The following TRHDE variants were observed in gnomAD, a reference collection of about 807,000 sequenced individuals.
The protein encoded by TRHDE is thyrotropin releasing hormone degrading enzyme.
A neutral mutation model predicts 125.7 loss-of-function variants in TRHDE; 72 were observed. That is an observed-to-expected ratio of 0.57 (90% CI 0.47 to 0.70). The LOEUF (loss-of-function observed/expected upper bound fraction) is 0.70, where lower values mean the gene tolerates loss of function less well. TRHDE is among the 30% of genes least tolerant of loss of function. The pLI is 0.00. For synonymous variants in TRHDE, 509 were observed against 509.1 expected, an observed-to-expected ratio of 1.00 and a Z score of 0.00; for missense variants, 1,110 against 1,327.1, an observed-to-expected ratio of 0.84 and a Z score of 2.54.
chr12:72,196,835 A>T (rs924533624), intron 2 of TRHDE, among the ~76,000 whole-genome samples: 1 of 151,938 alleles, frequency 6.6e-6, no homozygotes, highest in Non-Finnish European at 1.5e-5. Flanking sequence ...TATCATATTT[A>T]TGATGATATC....
At chr12:72,096,840 CTGCTTGATTTTCCTTTGT>C (rs1042128002) in intron 1 of TRHDE, among the ~76,000 whole-genome samples, 11 of 152,200 alleles carry the variant, frequency 7.2e-5, no homozygotes, top group African/African-American at 2.7e-4. Flanking sequence ...CCTCACCTCC[CTGCTTGATTTTCCTTTGT>C]TGCTTTCAGG....
chr12:72,381,527 C>T (rs903439650), intron 3 of TRHDE, among the ~76,000 whole-genome samples: 19 of 150,756 alleles, frequency 1.3e-4, no homozygotes, highest in African/African-American at 4.6e-4. Flanking sequence ...TCCCAAGTAG[C>T]TGGGACTACA....
chr12:72,268,063 A>C (rs998687748), upstream of TRHDE, among the ~76,000 whole-genome samples: 9 of 152,156 alleles, frequency 5.9e-5, no homozygotes, highest in African/African-American at 2.2e-4. Flanking sequence ...CCAAATTAAA[A>C]ATTTCATCAA....
intron 6 of TRHDE, among the ~76,000 whole-genome samples, chr12:72,510,312 T>C (rs1415128519): frequency 6.6e-6 from 1 of 152,242 alleles, no homozygotes; most frequent in African/African-American, 2.4e-5. Flanking sequence ...ATTACATTTA[T>C]TGATTAAATA....
At chr12:72,246,064 T>A (rs1439195953) in intron 2 of TRHDE, among the ~76,000 whole-genome samples, 1 of 152,186 alleles carries the variant, frequency 6.6e-6, no homozygotes, top group East Asian at 1.9e-4. Flanking sequence ...ACAAACATTC[T>A]TGTGAATATA....
chr12:72,276,644 T>C (rs1879497319), intron 1 of TRHDE, among the ~76,000 whole-genome samples: 1 of 152,210 alleles, frequency 6.6e-6, no homozygotes, highest in Non-Finnish European at 1.5e-5. Context: ...TTTCCTGATT[T>C]CCATACTGTA....
chr12:72,130,600 G>A (rs1875838345), intron 2 of TRHDE, among the ~76,000 whole-genome samples: 2 of 152,036 alleles, frequency 1.3e-5, no homozygotes. Context: ...AAAGCACTAG[G>A]GGCAACATTA....
chr12:72,199,218 G>C (rs1023711641), intron 2 of TRHDE, among the ~76,000 whole-genome samples: 2 of 152,216 alleles, frequency 1.3e-5, no homozygotes, highest in South Asian at 4.1e-4. Flanking sequence ...TCTGTGCTTA[G>C]AGTAACAGGC....
intron 6 of TRHDE, among the ~76,000 whole-genome samples, chr12:72,534,481 A>G (rs1239589919): frequency 1.3e-5 from 2 of 152,124 alleles, no homozygotes; most frequent in South Asian, 2.1e-4. Flanking sequence ...GAATGCTCAA[A>G]GAATGTACGG....
intron 5 of TRHDE, among the ~76,000 whole-genome samples, chr12:72,489,098 A>C (rs1423420411): frequency 6.6e-6 from 1 of 151,764 alleles, no homozygotes; most frequent in Non-Finnish European, 1.5e-5. Flanking sequence ...GAATTAGAAA[A>C]AGAAGACCAT....
At chr12:72,161,431 C>CAAAAAA (rs36001406) in intron 2 of TRHDE, among the ~76,000 whole-genome samples, 1 of 75,478 alleles carries the variant, frequency 1.3e-5, no homozygotes, top group South Asian at 4.0e-4. Context: ...GACTCCGTCT[C>CAAAAAA]AAAAAAAAAA....
chr12:72,439,672 T>C (rs533400190), intron 3 of TRHDE, among the ~76,000 whole-genome samples: 45 of 152,036 alleles, frequency 3.0e-4, no homozygotes, highest in Admixed American at 2.6e-3. Flanking sequence ...TCTATATATA[T>C]GATCATATCA....
chr12:72,372,334 G>A (rs1871640637), intron 2 of TRHDE, among the ~76,000 whole-genome samples: 1 of 151,746 alleles, frequency 6.6e-6, no homozygotes, highest in African/African-American at 2.4e-5. Context: ...CTCCCATTTT[G>A]TAGGTTGCCT....
chr12:72,213,137 T>G (rs1191891854), intron 2 of TRHDE, among the ~76,000 whole-genome samples: 1 of 152,104 alleles, frequency 6.6e-6, no homozygotes, highest in Non-Finnish European at 1.5e-5. Context: ...ATGTCCAGAA[T>G]AGACAGACCT....
chr12:72,380,755 C>T lies in TRHDE; in HGVS notation c.1315+2634C>T, dbSNP rs1208019766. 2.9e-3 allele frequency among the ~76,000 whole-genome samples: 268 copies of T among 93,248 alleles called. 4 individuals are homozygous for T. The highest frequency in any genetic ancestry group is 0.018 in the Middle Eastern group (3 of 166). 61.2% of individuals were successfully genotyped at this position (93,248 alleles called of 152,430 possible). A position where few individuals can be genotyped will look rare whatever the true frequency, so the allele number is the denominator to read the frequency against. ...CCTTGCTTCCTTCCTTCCTTCCTTC[C>T]TTCCTTCCTTGCTTCCTTCCTTCCT... On this transcript the variant is annotated intron_variant, in intron 3 of 18. Transcript: ENST00000261180.
intron 2 of TRHDE, among the ~76,000 whole-genome samples, chr12:72,199,802 T>C (rs546565850): frequency 2.0e-5 from 3 of 152,304 alleles, no homozygotes; most frequent in East Asian, 3.9e-4. Context: ...TTGCATTATG[T>C]GAAGATTCTT....
intron 7 of TRHDE, among the ~76,000 whole-genome samples, chr12:72,546,303 A>G (rs1158285476): frequency 6.6e-6 from 1 of 151,678 alleles, no homozygotes; most frequent in East Asian, 1.9e-4. Flanking sequence ...TTCCCTGCCA[A>G]ACCTTCAGCT....
At chr12:72,588,783 C>T (rs951392536) in intron 12 of TRHDE, among the ~76,000 whole-genome samples, 3 of 152,088 alleles carry the variant, frequency 2.0e-5, no homozygotes, top group Admixed American at 2.0e-4. Flanking sequence ...GAAGAAATGC[C>T]TGAGACTGGG....
chr12:72,170,314 A>C (rs1420261338), intron 2 of TRHDE, among the ~76,000 whole-genome samples: 1 of 152,202 alleles, frequency 6.6e-6, no homozygotes, highest in Non-Finnish European at 1.5e-5. Context: ...TTTCAGAACA[A>C]TGCTCTTGAC....
Sources: gnomAD v4.1 joint callset for allele counts (sites outside exome capture counted in the v4.1 genomes callset) on GRCh38, gnomAD v4.1.1 for gene constraint, MANE v1.5 for transcripts, NCBI Gene and HGNC (gene_info 2026-07-23, HGNC 2026-07-21) for gene names.